The following SPTLC3 variants were observed in gnomAD, a reference collection of about 807,000 sequenced individuals.
SPTLC3 encodes the protein serine palmitoyltransferase 3.
A neutral mutation model predicts 59.3 loss-of-function variants in SPTLC3; 36 were observed. The observed-to-expected ratio is 0.61, with a 90% CI of 0.47 to 0.80. SPTLC3 has a LOEUF of 0.80. Among genes scored for constraint, SPTLC3 ranks in the 30% least tolerant of loss-of-function variants. The probability of loss-of-function intolerance (pLI) is 0.00; values close to 1 mark genes in which losing one functional copy is unlikely to be tolerated. For missense variants in SPTLC3, 625 were observed against 685.1 expected (o/e 0.91, Z 0.98); for synonymous variants, 257 against 240.8 (o/e 1.07, Z -0.62).
chr20:13,136,269 C>T (rs1032115317), intron 9 of SPTLC3, among the ~76,000 whole-genome samples: 2 of 152,012 alleles, frequency 1.3e-5, no homozygotes, highest in African/African-American at 4.8e-5. Flanking sequence ...TTGTGTTCTT[C>T]CTGGAAAACA....
chr20:13,072,331 A>C lies in SPTLC3; in HGVS notation c.379A>C (p.Asn127His). 6.2e-7 allele frequency: 1 copy of C among 1,613,922 alleles called. No individual in the cohort carries two copies. Among genetic ancestry groups the C allele is most frequent in the Non-Finnish European group, 8.5e-7 (1 of 1,179,848 alleles). The change falls in exon 3 of 12, where the codon AAC (asparagine) becomes CAC (histidine). Residue 127 changes from asparagine to histidine, a missense_variant. Coordinates refer to ENST00000399002, the MANE Select transcript of SPTLC3 (RefSeq NM_018327.4). ...TTACATGCGAATCAGAGACAACTGG[A>C]ACCGGCCCATCTGCAGTGCCCCAGG... Reference protein sequence around the residue: ...NLYMRIRDNWNRPICSAPGPL... With the variant: ...NLYMRIRDNWHRPICSAPGPL...
At chr20:13,045,693 G>A (rs1987202263) in intron 1 of SPTLC3, among the ~76,000 whole-genome samples, 1 of 152,080 alleles carries the variant, frequency 6.6e-6, no homozygotes, top group South Asian at 2.1e-4. Context: ...TTGGGCTGAT[G>A]GACATTTTTG....
At chr20:13,087,804 C>T (rs1461450526) in intron 4 of SPTLC3, among the ~76,000 whole-genome samples, 1 of 152,164 alleles carries the variant, frequency 6.6e-6, no homozygotes, top group African/African-American at 2.4e-5. Flanking sequence ...ATTCTCAGTT[C>T]AACTTAATAA....
chr20:13,045,599 A>AT (rs948942866), intron 1 of SPTLC3, among the ~76,000 whole-genome samples: 1 of 152,106 alleles, frequency 6.6e-6, no homozygotes, highest in Non-Finnish European at 1.5e-5. Context: ...AAGATATCTC[A>AT]TTTTTCCTCT....
intron 9 of SPTLC3, among the ~76,000 whole-genome samples, chr20:13,131,053 C>T (rs187136546): frequency 2.4e-3 from 361 of 152,262 alleles, no homozygotes; most frequent in Admixed American, 3.9e-3. Flanking sequence ...CTAGAAAGAT[C>T]GCAGCTCAGT....
intron 6 of SPTLC3, among the ~76,000 whole-genome samples, chr20:13,099,158 T>C (rs191220880): frequency 1.3e-5 from 2 of 152,042 alleles, no homozygotes; most frequent in Admixed American, 6.5e-5. Flanking sequence ...AATCATAGGG[T>C]TGTTAAATGT....
At chr20:13,042,475 G>A (rs1052876455) in intron 1 of SPTLC3, among the ~76,000 whole-genome samples, 10 of 152,066 alleles carry the variant, frequency 6.6e-5, no homozygotes, top group Non-Finnish European at 2.9e-5. Flanking sequence ...AGGGTAATTG[G>A]GGCCCCAGTA....
At chr20:13,076,214 G>T (rs1419889841) in intron 4 of SPTLC3, among the ~76,000 whole-genome samples, 2 of 152,148 alleles carry the variant, frequency 1.3e-5, no homozygotes, top group Non-Finnish European at 2.9e-5. Flanking sequence ...GTCAGGAAAT[G>T]AATAAATAAA....
intron 9 of SPTLC3, among the ~76,000 whole-genome samples, chr20:13,140,213 C>A (rs977973676): frequency 1.3e-5 from 2 of 152,048 alleles, no homozygotes; most frequent in African/African-American, 4.8e-5. Flanking sequence ...TGTGATGAGA[C>A]AGAAAATGGC....
At chr20:13,155,224 G>A (rs926622632) in intron 10 of SPTLC3, among the ~76,000 whole-genome samples, 1 of 151,954 alleles carries the variant, frequency 6.6e-6, no homozygotes, top group African/African-American at 2.4e-5. Context: ...CTTTCTCAAG[G>A]TAAAATGTTT....
At chr20:13,067,101 A>G (rs1177918634) in intron 2 of SPTLC3, among the ~76,000 whole-genome samples, 2 of 141,856 alleles carry the variant, frequency 1.4e-5, no homozygotes, top group African/African-American at 5.1e-5. Context: ...ATATATATAT[A>G]TGTATTCATG....
intron 1 of SPTLC3, among the ~76,000 whole-genome samples, chr20:13,012,184 T>A (rs1013405913): frequency 2.6e-5 from 4 of 152,132 alleles, no homozygotes; most frequent in Non-Finnish European, 5.9e-5. Flanking sequence ...GAGGATAGAG[T>A]CTGCATTTTC....
intron 8 of SPTLC3, among the ~76,000 whole-genome samples, chr20:13,121,653 C>T (rs542241695): frequency 6.6e-6 from 1 of 152,272 alleles, no homozygotes; most frequent in Admixed American, 6.5e-5. Context: ...TAACTCATGG[C>T]TCATAGCACC....
intron 4 of SPTLC3, among the ~76,000 whole-genome samples, chr20:13,088,310 T>C (rs1172811991): frequency 6.6e-6 from 1 of 152,026 alleles, no homozygotes; most frequent in Admixed American, 6.6e-5. Flanking sequence ...TTGTTTTTTG[T>C]TGTTGTTGTT....
At chr20:13,048,835 T>A in intron 1 of SPTLC3, 110 bp from the exon 2 acceptor site, 1 of 992,432 alleles carries the variant, frequency 1.0e-6, no homozygotes. Flanking sequence ...TTATTTACAA[T>A]CTTAAATATG....
At chr20:13,113,210 C>T (rs1292921652) in intron 7 of SPTLC3, among the ~76,000 whole-genome samples, 1 of 152,056 alleles carries the variant, frequency 6.6e-6, no homozygotes, top group Non-Finnish European at 1.5e-5. Flanking sequence ...AAAATTATTT[C>T]CCGTAGGATT....
chr20:13,095,868 C>T (rs1989394066), intron 6 of SPTLC3, among the ~76,000 whole-genome samples: 1 of 152,108 alleles, frequency 6.6e-6, no homozygotes. Flanking sequence ...GTGTTCCAAG[C>T]CAACATTTAT....
intron 2 of SPTLC3, among the ~76,000 whole-genome samples, chr20:13,061,050 T>C (rs1330893239): frequency 6.6e-6 from 1 of 152,214 alleles, no homozygotes; most frequent in East Asian, 1.9e-4. Flanking sequence ...TCCATAGAAG[T>C]TGTACTAATT....
chr20:13,073,386 C>CAAAAA (rs1454459988), intron 3 of SPTLC3, among the ~76,000 whole-genome samples: 23 of 152,188 alleles, frequency 1.5e-4, no homozygotes, highest in Middle Eastern at 3.4e-3. Flanking sequence ...ACAAGGTTTT[C>CAAAAA]TTTCTTTTTC....
Sources: allele counts gnomAD v4.1 joint callset (sites outside exome capture counted in the v4.1 genomes callset), GRCh38; gene constraint gnomAD v4.1.1; transcripts MANE v1.5; gene names NCBI Gene and HGNC (gene_info 2026-07-23, HGNC 2026-07-21).